The following ADGRF3 variants were observed in gnomAD, a reference collection of about 807,000 sequenced individuals.
ADGRF3 encodes the protein adhesion G protein-coupled receptor F3, also known as G protein-coupled receptor 113.
In ADGRF3, 85 loss-of-function variants were observed where a neutral mutation model predicts 93.2. The observed-to-expected ratio is 0.91, with a 90% confidence interval of 0.77 to 1.09. ADGRF3 has a LOEUF of 1.09. Ranked by LOEUF, ADGRF3 falls within the 50% of genes least tolerant of loss-of-function variation. The pLI is 0.00. For synonymous variants in ADGRF3, 534 were observed against 532.5 expected (o/e 1.00, Z -0.04); for missense variants, 1,125 against 1,246.2 (o/e 0.90, Z 1.46).
At chr2:26,346,039 G>T in intron 1 of ADGRF3, 82 bp downstream of exon 1, 2 of 1,394,144 alleles carry the variant, frequency 1.4e-6, no homozygotes, top group South Asian at 1.3e-5. Flanking sequence ...GGAGAAGCGT[G>T]GGCTGCGCTT....
Position 26,323,937 on chromosome 2 carries a change from C to T in ADGRF3, c.115-6375G>A, listed in dbSNP as rs544056043. The stretch of plus-strand genomic sequence containing the variant: ...AGCCACTGCGCCCGGCCTCCATTAC[C>T]TCTTATAGAAAGTAACTGCTGGACC... On this transcript the variant is annotated intron_variant, in intron 1 of 13. Coordinates refer to ENST00000651242, the MANE Select transcript of ADGRF3 (RefSeq NM_001321971.2). 2.3e-4 allele frequency among the ~76,000 whole-genome samples: 35 copies of T among 152,090 alleles called. No individual in the cohort carries two copies. The East Asian group carries it at 6.6e-3, about 29-fold the overall frequency.
At chr2:26,327,153 C>T (rs1675478452) in intron 1 of ADGRF3, among the ~76,000 whole-genome samples, 1 of 152,234 alleles carries the variant, frequency 6.6e-6, no homozygotes, top group Non-Finnish European at 1.5e-5. Context: ...CAATTTCTCT[C>T]TTCTGGGGTA....
Position 26,311,534 on chromosome 2 carries a change from C to T in ADGRF3, c.1990G>A (p.Glu664Lys), listed in dbSNP as rs76575382. Residue 664 changes from glutamate (E) to lysine (K), a missense_variant, in exon 10 of 14, where the codon GAA (glutamate) becomes AAA (lysine). Coordinates refer to ENST00000651242, the MANE Select transcript of ADGRF3 (RefSeq NM_001321971.2). ...LFQGRGGWSK[E>K]GCQAQVASAS... Reference sequence around the variant, plus strand: ...CTGGCCACCTGTGCCTGGCACCCTTCTTTGGACCAACCCCCCCTGCCCTGG... The same window carrying T: ...CTGGCCACCTGTGCCTGGCACCCTTTTTTGGACCAACCCCCCCTGCCCTGG... 2.7e-4 allele frequency: 443 copies of T among 1,614,032 alleles called. 2 individuals are homozygous for T. The East Asian group carries it at 8.3e-3, about 30-fold the overall frequency.
intron 1 of ADGRF3, 179 bp downstream of exon 1, chr2:26,345,942 G>A: frequency 1.6e-6 from 1 of 614,638 alleles, no homozygotes; most frequent in Non-Finnish European, 2.8e-6. Context: ...GCGGGACTTA[G>A]TGTTGCCTGA....
At chr2:26,320,555 C>T (rs563173382) in intron 1 of ADGRF3, among the ~76,000 whole-genome samples, 2 of 152,238 alleles carry the variant, frequency 1.3e-5, no homozygotes, top group East Asian at 1.9e-4. Context: ...TCCAACTTTA[C>T]GCATCAGAAA....
At chr2:26,314,236 T>A (rs1323338184) in intron 6 of ADGRF3, among the ~76,000 whole-genome samples, 178 bp downstream of exon 6, 1 of 152,238 alleles carries the variant, frequency 6.6e-6, no homozygotes, top group Non-Finnish European at 1.5e-5. Context: ...CACATGTGGT[T>A]ATGTTATGGC....
At chr2:26,314,686 T>G (rs1232150941) in intron 5 of ADGRF3, 63 bp from the exon 6 acceptor site, 40 of 1,416,836 alleles carry the variant, frequency 2.8e-5, no homozygotes, top group Non-Finnish European at 3.6e-5. Flanking sequence ...ACAGAATCTC[T>G]GCTGCTTTCC....
intron 5 of ADGRF3, among the ~76,000 whole-genome samples, chr2:26,315,046 A>G (rs1674532230): frequency 1.3e-5 from 2 of 152,256 alleles, no homozygotes; most frequent in South Asian, 4.1e-4. Flanking sequence ...CCAAAACATA[A>G]TTAGACAAGT....
chr2:26,317,372 A>G, intron 2 of ADGRF3, 124 bp downstream of exon 2: 7 of 899,238 alleles, frequency 7.8e-6, no homozygotes, highest in Non-Finnish European at 1.2e-5. Flanking sequence ...GATCAGAGCC[A>G]GTCCTCTCTC....
At chr2:26,344,158 T>C (rs1676555146) in intron 1 of ADGRF3, among the ~76,000 whole-genome samples, 1 of 152,210 alleles carries the variant, frequency 6.6e-6, no homozygotes, top group Non-Finnish European at 1.5e-5. Flanking sequence ...TTTGGTTTTG[T>C]TTTTGAGACG....
rs1045696022 is a variant in ADGRF3 at position 26,346,438 on chromosome 2, G to T, written c.-204C>A. The T allele has an allele frequency of 2.3e-5, 23 of 982,536 alleles. No individual in the cohort carries two copies. Among genetic ancestry groups the T allele is most frequent in the African/African-American group, 3.5e-5 (2 of 57,844 alleles). The allele number at this position is 982,536 out of a possible 1,614,324, so 60.9% of individuals were successfully genotyped here. A position where few individuals can be genotyped will look rare whatever the true frequency, so the allele number is the denominator to read the frequency against. The stretch of plus-strand genomic sequence containing the variant: ...CTCCGGAGGTCCTGCGGGTCCTGGG[G>T]ATTGGGGGTCGGGGAGCGTGGGAGC... On this transcript the variant is annotated 5_prime_UTR_variant, in exon 1 of 14. Transcript: ENST00000651242.
rs1281206906 is a variant in ADGRF3, at chr2:26,309,082, T to C, written c.*4A>G. 1 of 1,613,916 alleles carries C rather than the reference T, an allele frequency of 6.2e-7. No homozygotes were observed. The highest frequency in any genetic ancestry group is 8.5e-7 in the Non-Finnish European group (1 of 1,179,904). On this transcript the variant is annotated 3_prime_UTR_variant, in exon 14 of 14. Coordinates refer to ENST00000651242, the MANE Select transcript of ADGRF3 (RefSeq NM_001321971.2). ...CCTTGCAGGAACATGGGTCCGTGTG[T>C]GGTTCACTCTGAAGCATCTGTCTTC... is the stretch of plus-strand genomic sequence containing the variant.
chr2:26,346,297 G>C lies in ADGRF3; in HGVS notation c.-63C>G, dbSNP rs1395103999. 4 of 1,607,126 alleles carry C rather than the reference G, an allele frequency of 2.5e-6. No homozygotes were observed. The highest frequency in any genetic ancestry group is 1.7e-4 in the Middle Eastern group (1 of 6,018). On this transcript the variant is annotated 5_prime_UTR_variant, in exon 1 of 14. Transcript: ENST00000651242. ...GGCTTTGATAAGTACAAGGTACCGC[G>C]GGCCGGCGGATGCCCCTCTCCCTGC...
At chr2:26,320,357 G>A (rs969058878) in intron 1 of ADGRF3, among the ~76,000 whole-genome samples, 3 of 152,142 alleles carry the variant, frequency 2.0e-5, no homozygotes, top group South Asian at 4.1e-4. Flanking sequence ...TTAGCCAGGC[G>A]TGGTGGCGCA....
Position 26,312,958 on chromosome 2 carries a change from G to T in ADGRF3, c.1434C>A (p.Asp478Glu). 2 of 1,612,014 alleles carry T rather than the reference G, an allele frequency of 1.2e-6. No individual in the cohort carries two copies. Among genetic ancestry groups the T allele is most frequent in the Non-Finnish European group, 1.7e-6 (2 of 1,179,058 alleles). ...KVVAEARIQL[D>E]RRALKNLLIA... The stretch of plus-strand genomic sequence containing the variant: ...GAGATCTCACCTTCAGGGCTCTGCG[G>T]TCAAGCTGTATTCTGGCCTCTGCCA... The change falls in exon 9 of 14, where the codon GAC becomes GAA. Residue 478 changes from aspartate (D) to glutamate (E), a missense_variant. Physicochemically the swap from Asp to Glu is conservative, Grantham distance 45 (BLOSUM62 2). Coordinates refer to ENST00000651242, the MANE Select transcript of ADGRF3 (RefSeq NM_001321971.2).
intron 1 of ADGRF3, 39 bp downstream of exon 1, chr2:26,346,082 G>T (rs1676725425): frequency 6.5e-7 from 1 of 1,540,122 alleles, no homozygotes; most frequent in Non-Finnish European, 8.7e-7. Context: ...GGGCCGAGGC[G>T]GCTACGCGTG....
intron 1 of ADGRF3, 109 bp downstream of exon 1, chr2:26,346,010 ACC>A (rs920999323): frequency 8.6e-7 from 1 of 1,160,274 alleles, no homozygotes; most frequent in Non-Finnish European, 1.2e-6. Flanking sequence ...CGGGCTAGCA[ACC>A]CCCCCTCGAT....
chr2:26,310,301 T>C lies in ADGRF3; in HGVS notation c.2833-64A>G, dbSNP rs998588025. On this transcript the variant is annotated intron_variant, in intron 10 of 13. Coordinates refer to ENST00000651242, the MANE Select transcript of ADGRF3 (RefSeq NM_001321971.2). ...AAGGGATCCACCCGAATCAACATGC[T>C]CCTTCTGTCCTGTGTAATTCACATC... is the stretch of plus-strand genomic sequence containing the variant. 5 of 1,559,144 alleles carry C rather than the reference T, an allele frequency of 3.2e-6. No homozygotes were observed. In the East Asian group the frequency reaches 9.0e-5, roughly 28 times the overall value.
At chr2:26,338,891 A>G (rs2147924836) in intron 1 of ADGRF3, among the ~76,000 whole-genome samples, 1 of 152,128 alleles carries the variant, frequency 6.6e-6, no homozygotes, top group Admixed American at 6.5e-5. Flanking sequence ...TAATCCCAGC[A>G]CTTTGGGAGG....
Sources: gnomAD v4.1 joint callset for allele counts (sites outside exome capture counted in the v4.1 genomes callset) on GRCh38, gnomAD v4.1.1 for gene constraint, MANE v1.5 for transcripts, NCBI Gene and HGNC (gene_info 2026-07-23, HGNC 2026-07-21) for gene names.